SLC13A4: variants seen among roughly 807,000 people sequenced by gnomAD.
SLC13A4 encodes Na(+)/sulfate cotransporter SUT-1.
In SLC13A4, 28 loss-of-function variants were observed where a neutral mutation model predicts 72.7. The observed-to-expected ratio is 0.39, with a 90% confidence interval of 0.29 to 0.53. The LOEUF is 0.53. Ranked by LOEUF, SLC13A4 falls within the 20% of genes least tolerant of loss-of-function variation. SLC13A4 has a pLI of 0.78. For synonymous variants in SLC13A4, 312 were observed against 325.5 expected, an observed-to-expected ratio of 0.96 and a Z score of 0.45; for missense variants, 653 against 788.0, an observed-to-expected ratio of 0.83 and a Z score of 2.05.
intron 14 of SLC13A4, 54 bp downstream of exon 14, chr7:135,685,468 C>T (rs1795600020): frequency 1.3e-6 from 2 of 1,561,110 alleles, no homozygotes; most frequent in Non-Finnish European, 1.8e-6. Flanking sequence ...AGGCCTGCCA[C>T]TCCAGGCCCC....
intron 5 of SLC13A4, 85 bp downstream of exon 5, chr7:135,705,511 C>T: frequency 8.0e-7 from 1 of 1,253,212 alleles, no homozygotes; most frequent in Non-Finnish European, 1.2e-6. Context: ...TCTCAAAGAG[C>T]TGTTTATGGG....
At chr7:135,702,641 G>T in intron 6 of SLC13A4, 2 of 548,446 alleles carry the variant, frequency 3.6e-6, no homozygotes, top group East Asian at 3.2e-5. Context: ...CTCCCAAAGT[G>T]CTGGGAGTAC....
chr7:135,725,810 T>C (rs969498771), intron 1 of SLC13A4, among the ~76,000 whole-genome samples: 1 of 152,000 alleles, frequency 6.6e-6, no homozygotes, highest in African/African-American at 2.4e-5. Context: ...AAAATTTTTT[T>C]AAAAATTAGC....
At chr7:135,695,569 T>A in intron 8 of SLC13A4, 82 bp from the exon 9 acceptor site, 1 of 1,470,906 alleles carries the variant, frequency 6.8e-7, no homozygotes. Flanking sequence ...AAATGCTCCC[T>A]AAAACATACA....
chr7:135,724,500 G>GAAAAAAA (rs5887740), intron 1 of SLC13A4, among the ~76,000 whole-genome samples: 36 of 94,378 alleles, frequency 3.8e-4, no homozygotes, highest in Admixed American at 5.0e-4. Flanking sequence ...CTCTGTCTCA[G>GAAAAAAA]AAAAAAAAAA....
intron 15 of SLC13A4, chr7:135,683,551 C>A: frequency 1.0e-6 from 1 of 985,200 alleles, no homozygotes; most frequent in Non-Finnish European, 1.2e-6. Flanking sequence ...GGTAGATAGG[C>A]CCAGTGCTAA....
chr7:135,706,043 G>A, intron 4 of SLC13A4, 85 bp downstream of exon 4: 5 of 1,371,648 alleles, frequency 3.6e-6, no homozygotes, highest in Non-Finnish European at 5.0e-6. Context: ...GCACAAAGTT[G>A]GGCAGTCTCC....
intron 3 of SLC13A4, among the ~76,000 whole-genome samples, chr7:135,706,687 GCAGC>G (rs1232944650): frequency 6.6e-6 from 1 of 152,112 alleles, no homozygotes; most frequent in African/African-American, 2.4e-5. Context: ...GTTTGCCCTC[GCAGC>G]CAGCAATTCT....
chr7:135,708,006 A>G, intron 3 of SLC13A4, 108 bp downstream of exon 3: 1 of 1,423,636 alleles, frequency 7.0e-7, no homozygotes, highest in Admixed American at 2.0e-5. Flanking sequence ...CCCTTTGGTA[A>G]AAAAACAGCT....
rs1019281492 is a variant in SLC13A4, at chr7:135,715,330, AGT to A, written c.228+6063_228+6064del. Among the ~76,000 whole-genome samples the A allele has an allele frequency of 6.3e-5, 9 of 142,762 alleles. No homozygotes were observed. In the South Asian group the frequency reaches 9.0e-4, roughly 14 times the overall value. 93.7% of individuals were successfully genotyped at this position (142,762 alleles called of 152,430 possible). On this transcript the variant is annotated intron_variant, in intron 2 of 15. Coordinates refer to ENST00000682651, the MANE Select transcript of SLC13A4 (RefSeq NM_001318192.2). ...CTAAGCATGTGTATGTGTGTGAGTAAGTGTATGTATATGTGAGCGTGTGTATG... is the reference window on the plus strand; with the variant it reads ...CTAAGCATGTGTATGTGTGTGAGTAAGTATGTATATGTGAGCGTGTGTATG...
At chr7:135,714,091 G>C (rs949923440) in intron 2 of SLC13A4, among the ~76,000 whole-genome samples, 10 of 152,202 alleles carry the variant, frequency 6.6e-5, no homozygotes, top group Non-Finnish European at 1.5e-4. Context: ...CCTAGCAGGG[G>C]CTCAGACACC....
chr7:135,720,527 C>T (rs1265692016), intron 2 of SLC13A4, among the ~76,000 whole-genome samples: 2 of 149,834 alleles, frequency 1.3e-5, no homozygotes, highest in African/African-American at 4.9e-5. Context: ...AACCTTACCC[C>T]CATCTCAGTG....
chr7:135,685,743 C>G, intron 13 of SLC13A4, 60 bp from the exon 14 acceptor site: 1 of 1,493,512 alleles, frequency 6.7e-7, no homozygotes, highest in Non-Finnish European at 9.2e-7. Context: ...AGCTAGAGAT[C>G]TTAGACTTCA....
At chr7:135,688,089 C>T (rs1795679230) in intron 13 of SLC13A4, among the ~76,000 whole-genome samples, 1 of 151,876 alleles carries the variant, frequency 6.6e-6, no homozygotes, top group South Asian at 2.1e-4. Context: ...AATTCTCTGG[C>T]CTCAGCCTCC....
chr7:135,683,424 C>T (rs1224506335), intron 15 of SLC13A4: 1 of 984,920 alleles, frequency 1.0e-6, no homozygotes, highest in African/African-American at 1.8e-5. Context: ...AATTTGGCTC[C>T]CATGAAAAAA....
In SLC13A4 at chr7:135,706,152, T is replaced by TG; in HGVS notation, c.513dup (p.Asn172GlnfsTer26). ...CTGATGGGTTCGGCCTCTTCGGTGT[T>TG]GGAGTTGCCCGCCACGAGCTGCTCG... On this transcript the variant is annotated frameshift_variant, in exon 4 of 16. Coordinates refer to ENST00000682651, the MANE Select transcript of SLC13A4 (RefSeq NM_001318192.2). LOFTEE classifies it high-confidence loss of function. 1 of 1,606,034 alleles carries TG rather than the reference T, an allele frequency of 6.2e-7. No homozygotes were observed. The highest frequency in any genetic ancestry group is 8.5e-7 in the Non-Finnish European group (1 of 1,173,740).
intron 2 of SLC13A4, among the ~76,000 whole-genome samples, chr7:135,720,874 G>A (rs1796531913): frequency 6.6e-6 from 1 of 152,168 alleles, no homozygotes; most frequent in Non-Finnish European, 1.5e-5. Context: ...CTTAAGTCGG[G>A]CGAGAAGAAA....
chr7:135,692,320 T>TAA lies in SLC13A4; in HGVS notation c.1223+2_1223+3insTT. 2 of 1,605,788 alleles carry TAA rather than the reference T, an allele frequency of 1.2e-6. No individual in the cohort carries two copies. Among genetic ancestry groups the TAA allele is most frequent in the Non-Finnish European group, 1.7e-6 (2 of 1,172,464 alleles). ...TTCTTAAGGAGGAAATGATATCACT[T>TAA]ACTTTTCAAAGAAAGAATCCCAGCC... On this transcript the variant is annotated splice_region_variant and intron_variant, in intron 11 of 15. Coordinates refer to ENST00000682651, the MANE Select transcript of SLC13A4 (RefSeq NM_001318192.2).
At chr7:135,693,775 C>T (rs1484164558) in intron 10 of SLC13A4, among the ~76,000 whole-genome samples, 2 of 152,310 alleles carry the variant, frequency 1.3e-5, no homozygotes, top group East Asian at 1.9e-4. Flanking sequence ...GTGATAACCG[C>T]ACCACTGTGG....
Sources: allele counts gnomAD v4.1 joint callset (sites outside exome capture counted in the v4.1 genomes callset), GRCh38; gene constraint gnomAD v4.1.1; transcripts MANE v1.5; gene names NCBI Gene and HGNC (gene_info 2026-07-23, HGNC 2026-07-21).